Variants in RPS6KA2 observed in about 807,000 individuals in gnomAD.
RPS6KA2 encodes ribosomal protein S6 kinase A2, also known as ribosomal protein S6 kinase alpha-2.
RPS6KA2 carries 42 observed loss-of-function variants against 91.8 expected under a neutral mutation model. That is an observed-to-expected ratio of 0.46 (90% CI 0.36 to 0.59). RPS6KA2 has a LOEUF of 0.59. RPS6KA2 is among the 20% of genes least tolerant of loss of function. The pLI is 0.00. For missense variants in RPS6KA2, 798 were observed against 978.5 expected, an observed-to-expected ratio of 0.82 and a Z score of 2.46; for synonymous variants, 414 against 393.6, an observed-to-expected ratio of 1.05 and a Z score of -0.61.
At chr6:166,672,729 A>G (rs1788505565) in intron 2 of RPS6KA2, among the ~76,000 whole-genome samples, 1 of 152,222 alleles carries the variant, frequency 6.6e-6, no homozygotes, top group Non-Finnish European at 1.5e-5. Context: ...TCACCGGATG[A>G]GAGCAGTTGA....
intron 2 of RPS6KA2, 63 bp downstream of exon 2, chr6:166,538,605 C>A: frequency 1.1e-6 from 1 of 911,964 alleles, no homozygotes; most frequent in Non-Finnish European, 1.8e-6. Context: ...TCCAGGGGGG[C>A]TCTGTCCAGG....
upstream of RPS6KA2, among the ~76,000 whole-genome samples, chr6:166,630,515 T>C (rs762355652): frequency 5.3e-5 from 8 of 152,252 alleles, no homozygotes; most frequent in Admixed American, 1.3e-4. Flanking sequence ...TAGGTTCACC[T>C]GATGCAAAAC....
chr6:166,748,187 G>C (rs762797992), intron 2 of RPS6KA2, among the ~76,000 whole-genome samples: 1 of 152,174 alleles, frequency 6.6e-6, no homozygotes, highest in Non-Finnish European at 1.5e-5. Context: ...AGCAACCGTA[G>C]AGGAAGCTGG....
chr6:166,580,892 TTTTTC>T (rs541279480), intron 1 of RPS6KA2, among the ~76,000 whole-genome samples: 30 of 152,238 alleles, frequency 2.0e-4, no homozygotes, highest in East Asian at 9.7e-4. Flanking sequence ...GGCTGAGGAA[TTTTTC>T]TTTTCTTTTC....
chr6:166,518,392 A>G (rs1782734194), intron 3 of RPS6KA2, among the ~76,000 whole-genome samples: 1 of 152,204 alleles, frequency 6.6e-6, no homozygotes, highest in Non-Finnish European at 1.5e-5. Flanking sequence ...CAAAATATTT[A>G]CAAATTGGCC....
chr6:166,528,256 A>T (rs1248440040), intron 3 of RPS6KA2, among the ~76,000 whole-genome samples: 2 of 152,250 alleles, frequency 1.3e-5, no homozygotes, highest in Admixed American at 6.5e-5. Context: ...GCCCTCAGAA[A>T]TAATACCACA....
intron 2 of RPS6KA2, among the ~76,000 whole-genome samples, chr6:166,795,399 G>T (rs557732911): frequency 6.6e-5 from 10 of 152,298 alleles, no homozygotes; most frequent in African/African-American, 2.4e-4. Context: ...TCAAAAAACT[G>T]ACAAGACACT....
rs1562437256 is a variant in RPS6KA2 at position 166,783,836 on chromosome 6, ACACCTATCTATACCACATATGCACACG to A, written c.123+74337_123+74363del. On this transcript the variant is annotated intron_variant, in intron 2 of 21. Coordinates refer to the RPS6KA2 transcript ENST00000503859. ...CCTGTAACCACATATGCACACGTGC[ACACCTATCTATACCACATATGCACACG>A]TGCACACCTACGCATCACCACATAT... Among the ~76,000 whole-genome samples, 9 of 77,384 alleles carry A rather than the reference ACACCTATCTATACCACATATGCACACG, an allele frequency of 1.2e-4. 2 individuals are homozygous for A. Among genetic ancestry groups the A allele is most frequent in the Non-Finnish European group, 2.2e-4 (7 of 31,404 alleles). The allele number at this position is 77,384 out of a possible 152,430, so 50.8% of individuals were successfully genotyped here.
chr6:166,684,195 A>G (rs536221328), intron 2 of RPS6KA2, among the ~76,000 whole-genome samples: 2 of 152,118 alleles, frequency 1.3e-5, no homozygotes, highest in African/African-American at 4.8e-5. Flanking sequence ...ACAGGGACGG[A>G]GGTCAGGGGA....
chr6:166,744,384 G>A (rs917372114), intron 2 of RPS6KA2, among the ~76,000 whole-genome samples: 3 of 152,134 alleles, frequency 2.0e-5, no homozygotes, highest in Non-Finnish European at 4.4e-5. Flanking sequence ...ACGCGGCCCC[G>A]GGCCCGGGGA....
At chr6:166,731,416 C>T (rs1177233766) in intron 2 of RPS6KA2, among the ~76,000 whole-genome samples, 1 of 151,028 alleles carries the variant, frequency 6.6e-6, no homozygotes, top group Non-Finnish European at 1.5e-5. Context: ...TAAATGCAAC[C>T]AAGTAGCTGA....
intron 2 of RPS6KA2, among the ~76,000 whole-genome samples, chr6:166,724,606 G>A (rs1790281911): frequency 6.6e-6 from 1 of 152,178 alleles, no homozygotes; most frequent in Non-Finnish European, 1.5e-5. Flanking sequence ...TTGTGACACG[G>A]CCACGGCCTC....
intron 2 of RPS6KA2, among the ~76,000 whole-genome samples, chr6:166,668,363 T>C (rs1444391089): frequency 6.6e-6 from 1 of 152,178 alleles, no homozygotes; most frequent in African/African-American, 2.4e-5. Flanking sequence ...TCAGCCAGAT[T>C]GTGGCCTTTT....
chr6:166,623,566 T>C (rs1786725231), intron 1 of RPS6KA2, among the ~76,000 whole-genome samples: 1 of 152,232 alleles, frequency 6.6e-6, no homozygotes. Context: ...CAGGTGACGG[T>C]AACTCCAGCT....
intron 2 of RPS6KA2, among the ~76,000 whole-genome samples, chr6:166,681,178 G>C (rs148564980): frequency 2.6e-4 from 40 of 152,322 alleles, no homozygotes; most frequent in Non-Finnish European, 4.3e-4. Context: ...TTTAGAAAAT[G>C]CAAGGAAGGA....
chr6:166,675,465 A>G lies in RPS6KA2; in HGVS notation c.124-136681T>C, dbSNP rs146627803. Among the ~76,000 whole-genome samples, 40 of 152,282 alleles carry G rather than the reference A, an allele frequency of 2.6e-4. 1 individual carries two copies. In the East Asian group the frequency reaches 7.7e-3, roughly 29 times the overall value. On this transcript the variant is annotated intron_variant, in intron 2 of 21. Transcript: ENST00000503859. ...ACAGTCGTACCTGCAAAGGTAACCAATCCCACAAGAGCAGAGAGGCTGTGA... is the reference window on the plus strand; with the variant it reads ...ACAGTCGTACCTGCAAAGGTAACCAGTCCCACAAGAGCAGAGAGGCTGTGA...
At chr6:166,801,832 C>T (rs1438154724) in intron 2 of RPS6KA2, among the ~76,000 whole-genome samples, 1 of 152,002 alleles carries the variant, frequency 6.6e-6, no homozygotes, top group East Asian at 1.9e-4. Context: ...TTTGTAAGTT[C>T]TTTGCCTTTT....
At chr6:166,653,692 G>A (rs1787927132) in intron 2 of RPS6KA2, among the ~76,000 whole-genome samples, 2 of 152,222 alleles carry the variant, frequency 1.3e-5, no homozygotes, top group South Asian at 4.1e-4. Flanking sequence ...ATGGAAAAGA[G>A]AAAGGAATGC....
At chr6:166,807,771 G>C (rs1023386544) in intron 2 of RPS6KA2, among the ~76,000 whole-genome samples, 13 of 151,986 alleles carry the variant, frequency 8.6e-5, no homozygotes, top group Non-Finnish European at 1.8e-4. Flanking sequence ...GTGGCTGCAG[G>C]GCTCACTTCC....
Sources: gnomAD v4.1 joint callset for allele counts (sites outside exome capture counted in the v4.1 genomes callset) on GRCh38, gnomAD v4.1.1 for gene constraint, MANE v1.5 for transcripts, NCBI Gene and HGNC (gene_info 2026-07-23, HGNC 2026-07-21) for gene names.